ZNF670: variants seen among roughly 807,000 people sequenced by gnomAD.
ZNF670 encodes the protein zinc finger protein 670.
A neutral mutation model predicts 10.9 loss-of-function variants in ZNF670; 7 were observed. The ratio of observed to expected loss-of-function variants is 0.64; its 90% CI spans 0.36 to 1.20. The LOEUF (loss-of-function observed/expected upper bound fraction) is 1.20. Among genes scored for constraint, ZNF670 ranks in the 50% most tolerant of loss-of-function variants. The probability of loss-of-function intolerance (pLI) is 0.02; values close to 1 mark genes in which losing one functional copy is unlikely to be tolerated. For synonymous variants in ZNF670, 136 were observed against 152.7 expected, an observed-to-expected ratio of 0.89 and a Z score of 0.81; for missense variants, 446 against 458.6, an observed-to-expected ratio of 0.97 and a Z score of 0.25.
rs1670255114 is a variant in ZNF670, at chr1:247,039,491, T to A, written c.50A>T (p.Glu17Val). 1.9e-6 allele frequency: 3 copies of A among 1,605,504 alleles called. No homozygotes were observed. The South Asian group carries it at 3.3e-5, about 18-fold the overall frequency. Residue 17 changes from glutamate (E) to valine (V), a missense_variant, in exon 2 of 4, where the codon GAG (glutamate) becomes GTG (valine). Physicochemically the swap from Glu to Val is moderately radical, Grantham distance 121. Coordinates refer to ENST00000366503, the MANE Select transcript of ZNF670 (RefSeq NM_033213.5). ...TTGAGAAGGATCCAGCAAAGCCCAC[T>A]CCTCCTGAGTAAAGGCCACAGCCAC... Reference protein sequence around the residue: ...EDVAVAFTQEEWALLDPSQKN... With the variant: ...EDVAVAFTQEVWALLDPSQKN...
intron 1 of ZNF670, chr1:247,043,677 T>C: frequency 2.0e-6 from 1 of 501,360 alleles, no homozygotes. Context: ...CAGGACTGTT[T>C]CCACGATGGG....
chr1:247,076,408 C>A (rs1203778323), intron 1 of ZNF670, among the ~76,000 whole-genome samples: 1 of 151,926 alleles, frequency 6.6e-6, no homozygotes, highest in Non-Finnish European at 1.5e-5. Context: ...AGGCGCCCGC[C>A]ACCATGCCCG....
rs537209685 is a variant in ZNF670 at position 247,062,215 on chromosome 1, G to A, written c.3+16379C>T. ...ACTTTTTTTTTTCCTTGGTGGAAAC[G>A]TATTCATTTTCTGCACCCACAATGG... On this transcript the variant is annotated intron_variant, in intron 1 of 3. Coordinates refer to ENST00000366503, the MANE Select transcript of ZNF670 (RefSeq NM_033213.5). 5.9e-5 allele frequency among the ~76,000 whole-genome samples: 9 copies of A among 151,776 alleles called. No individual in the cohort carries two copies. The South Asian group carries it at 8.3e-4, about 14-fold the overall frequency.
At chr1:247,040,890 T>C (rs1004142747) in intron 1 of ZNF670, among the ~76,000 whole-genome samples, 4 of 152,162 alleles carry the variant, frequency 2.6e-5, no homozygotes, top group Non-Finnish European at 5.9e-5. Flanking sequence ...AGACAGGGTT[T>C]CACCATGTTG....
intron 1 of ZNF670, among the ~76,000 whole-genome samples, chr1:247,064,881 TG>T (rs1418786777): frequency 5.3e-5 from 8 of 152,320 alleles, no homozygotes; most frequent in African/African-American, 1.9e-4. Context: ...CTGGGCTCAC[TG>T]CAATCTCCAT....
At chr1:247,068,001 G>A (rs1156608979) in intron 1 of ZNF670, among the ~76,000 whole-genome samples, 1 of 149,974 alleles carries the variant, frequency 6.7e-6, no homozygotes, top group African/African-American at 2.5e-5. Flanking sequence ...AACTCTATAG[G>A]AAAAAAATCT....
At chr1:247,060,633 A>T (rs762112972) in intron 1 of ZNF670, among the ~76,000 whole-genome samples, 2 of 152,228 alleles carry the variant, frequency 1.3e-5, no homozygotes, top group Admixed American at 6.5e-5. Flanking sequence ...CTATCTGCCC[A>T]ATTTTTCTGC....
rs774446278 is a variant in ZNF670 at position 247,038,866 on chromosome 1, G to C, written c.135C>G (p.Asn45Lys). 1.2e-6 allele frequency: 2 copies of C among 1,610,622 alleles called. No individual in the cohort carries two copies. The highest frequency in any genetic ancestry group is 1.1e-5 in the South Asian group (1 of 90,830). Residue 45 changes from asparagine (N) to lysine (K), a missense_variant, in exon 3 of 4, where the codon AAC (asparagine) becomes AAG (lysine). Asn to Lys is a moderately conservative substitution (Grantham distance 94). Transcript: ENST00000366503. ...EIFRNLASVG[N>K]KSEDQNIQDD... ...CTTGGATATTCTGGTCTTCTGATTTGTTTCCTAAAAGGTACAACCATAAGA... is the reference window on the plus strand; with the variant it reads ...CTTGGATATTCTGGTCTTCTGATTTCTTTCCTAAAAGGTACAACCATAAGA...
At chr1:247,078,561 C>T in intron 1 of ZNF670, 33 bp downstream of exon 1, 7 of 1,613,714 alleles carry the variant, frequency 4.3e-6, no homozygotes, top group Non-Finnish European at 4.2e-6. Context: ...GTTCCCTTTT[C>T]CCCTTCCCGA....
intron 1 of ZNF670, among the ~76,000 whole-genome samples, chr1:247,049,270 G>A (rs1175755104): frequency 6.6e-6 from 1 of 151,606 alleles, no homozygotes; most frequent in Non-Finnish European, 1.5e-5. Flanking sequence ...GCTAATTTTT[G>A]TATTTTTAGC....
At chr1:247,062,823 C>T (rs141371916) in intron 1 of ZNF670, among the ~76,000 whole-genome samples, 6 of 152,318 alleles carry the variant, frequency 3.9e-5, no homozygotes, top group African/African-American at 1.4e-4. Context: ...CACTGAGAAG[C>T]TACACTCCCA....
At chr1:247,068,683 C>T (rs1272903250) in intron 1 of ZNF670, among the ~76,000 whole-genome samples, 2 of 150,586 alleles carry the variant, frequency 1.3e-5, no homozygotes, top group Non-Finnish European at 2.9e-5. Context: ...GAAAGGAAAC[C>T]AGTATATCAA....
At chr1:247,042,373 C>T (rs1037043536) in intron 1 of ZNF670, among the ~76,000 whole-genome samples, 1 of 152,136 alleles carries the variant, frequency 6.6e-6, no homozygotes, top group South Asian at 2.1e-4. Context: ...GTACTAAGTG[C>T]GATGGTCACG....
chr1:247,052,229 G>A (rs558843160), intron 1 of ZNF670, among the ~76,000 whole-genome samples: 1 of 152,274 alleles, frequency 6.6e-6, no homozygotes, highest in East Asian at 1.9e-4. Context: ...TATGTCAGAG[G>A]AAAGATCTGA....
At chr1:247,074,846 G>A (rs987565041) in intron 1 of ZNF670, among the ~76,000 whole-genome samples, 12 of 152,300 alleles carry the variant, frequency 7.9e-5, no homozygotes, top group Admixed American at 5.9e-4. Flanking sequence ...ACAGGCCACC[G>A]ACAGGTACTG....
rs758646442 is a variant in ZNF670, at chr1:247,035,689, T to C, written c.*1760A>G. Among the ~76,000 whole-genome samples, 8 of 152,174 alleles carry C rather than the reference T, an allele frequency of 5.3e-5. No homozygotes were observed. Among genetic ancestry groups the C allele is most frequent in the Non-Finnish European group, 1.2e-4 (8 of 68,022 alleles). The stretch of plus-strand genomic sequence containing the variant: ...ACACATATAAGTATACATGTAGACA[T>C]GCTATATATACAGATGATGCTATAC... On this transcript the variant is annotated 3_prime_UTR_variant, in exon 4 of 4. Transcript: ENST00000366503.
chr1:247,055,941 G>C (rs1351563331), intron 1 of ZNF670, among the ~76,000 whole-genome samples: 1 of 152,084 alleles, frequency 6.6e-6, no homozygotes, highest in African/African-American at 2.4e-5. Flanking sequence ...ATATGTATGT[G>C]CTGATATCCA....
At chr1:247,070,549 A>G (rs1671090838) in intron 1 of ZNF670, among the ~76,000 whole-genome samples, 1 of 152,234 alleles carries the variant, frequency 6.6e-6, no homozygotes, top group African/African-American at 2.4e-5. Flanking sequence ...AACCTAGGAC[A>G]TACCATTATG....
chr1:247,050,855 T>G (rs1670575180), intron 1 of ZNF670, among the ~76,000 whole-genome samples: 1 of 152,222 alleles, frequency 6.6e-6, no homozygotes, highest in Non-Finnish European at 1.5e-5. Flanking sequence ...AGCATTGAGA[T>G]GTAAGGTACC....
Sources: allele counts gnomAD v4.1 joint callset (sites outside exome capture counted in the v4.1 genomes callset), GRCh38; gene constraint gnomAD v4.1.1; transcripts MANE v1.5; gene names NCBI Gene and HGNC (gene_info 2026-07-23, HGNC 2026-07-21).